METTL22: variants seen among roughly 807,000 people sequenced by gnomAD.
The protein encoded by METTL22 is methyltransferase 22, Kin17 lysine, also known as methyltransferase-like protein 22.
Under a neutral mutation model 48.4 loss-of-function variants are expected in METTL22, and 51 were observed. The observed-to-expected ratio is 1.05, with a 90% CI of 0.84 to 1.33. METTL22 has a LOEUF of 1.33. METTL22 is among the 40% of genes most tolerant of loss of function. METTL22 has a pLI of 0.00. For missense variants in METTL22, 678 were observed against 526.9 expected (o/e 1.29, Z -2.81); for synonymous variants, 255 against 214.1 (o/e 1.19, Z -1.67).
chr16:8,627,770 G>A lies in METTL22; in HGVS notation c.134-960G>A, dbSNP rs2056110608. 2.0e-5 allele frequency among the ~76,000 whole-genome samples: 3 copies of A among 152,242 alleles called. No individual in the cohort carries two copies. In the South Asian group the frequency reaches 6.2e-4, roughly 32 times the overall value. On this transcript the variant is annotated intron_variant, in intron 2 of 10. Transcript: ENST00000381920. ...GAAAATAGATACATTTTATGAGACA[G>A]GGTCTCATTCTGTCACCCAAGCTGG...
At chr16:8,661,981 C>T in the METTL22 span, among the ~76,000 whole-genome samples, 4 of 145,052 alleles carry the variant, frequency 2.8e-5, 1 homozygote, top group East Asian at 2.0e-4. Flanking sequence ...TGGTGGCTCA[C>T]GCCTATAATC....
intron 1 of METTL22, among the ~76,000 whole-genome samples, chr16:8,624,843 A>G (rs2055990079): frequency 6.6e-6 from 1 of 152,228 alleles, no homozygotes; most frequent in African/African-American, 2.4e-5. Flanking sequence ...TGGGCAACAG[A>G]GCAAGCCCCT....
chr16:8,636,996 A>G (rs928999829), intron 5 of METTL22, among the ~76,000 whole-genome samples: 3 of 152,268 alleles, frequency 2.0e-5, no homozygotes, highest in African/African-American at 7.2e-5. Context: ...AAAACCAGCC[A>G]GTGAAGTTAA....
At chr16:8,640,969 G>GCTGGCTGT (rs1555475055) in intron 6 of METTL22, among the ~76,000 whole-genome samples, 162 bp from the exon 7 acceptor site, 60 of 113,678 alleles carry the variant, frequency 5.3e-4, no homozygotes, top group South Asian at 5.0e-3. Flanking sequence ...TGGCTGGCTG[G>GCTGGCTGT]CTGGCTGGCT....
chr16:8,641,924 A>G, intron 7 of METTL22: 1 of 614,134 alleles, frequency 1.6e-6, no homozygotes, highest in Non-Finnish European at 2.9e-6. Context: ...ACTCAGCAGA[A>G]AAGGCACCTC....
At chr16:8,624,491 C>G (rs951360211) in intron 1 of METTL22, among the ~76,000 whole-genome samples, 2 of 151,932 alleles carry the variant, frequency 1.3e-5, no homozygotes, top group African/African-American at 4.8e-5. Flanking sequence ...GCGATCCTCC[C>G]ACCTCAGCCT....
downstream of METTL22, among the ~76,000 whole-genome samples, chr16:8,654,302 C>G (rs1412999944): frequency 6.6e-6 from 1 of 152,148 alleles, no homozygotes; most frequent in East Asian, 1.9e-4. Context: ...CTTCACCACT[C>G]CTGGTAATTT....
intron 5 of METTL22, 43 bp from the exon 6 acceptor site, chr16:8,639,048 T>A: frequency 6.3e-7 from 1 of 1,597,432 alleles, no homozygotes; most frequent in South Asian, 1.1e-5. Context: ...GATAAAAGTG[T>A]CGTAGTGGCT....
At chr16:8,630,983 C>G (rs1436705294) in intron 3 of METTL22, among the ~76,000 whole-genome samples, 3 of 152,236 alleles carry the variant, frequency 2.0e-5, no homozygotes, top group Admixed American at 1.3e-4. Flanking sequence ...AGACAAATGT[C>G]TTACCCACTC....
intron 2 of METTL22, among the ~76,000 whole-genome samples, chr16:8,628,305 G>A (rs897860489): frequency 1.1e-4 from 17 of 152,156 alleles, no homozygotes; most frequent in South Asian, 8.3e-4. Context: ...ATGGATGATC[G>A]GACAGATTCA....
chr16:8,639,163 G>T lies in METTL22; in HGVS notation c.772+1G>T. On this transcript the variant is annotated splice_donor_variant, in intron 6 of 10. Coordinates refer to ENST00000381920, the MANE Select transcript of METTL22 (RefSeq NM_024109.4). LOFTEE classifies it high-confidence loss of function. ...AACAGCCACCTGGCTGCCACTGGAG[G>T]TGAGGCCCAGGGGGTCTTCTGCCAG... 6.2e-7 allele frequency: 1 copy of T among 1,613,990 alleles called. No homozygotes were observed. The highest frequency in any genetic ancestry group is 8.5e-7 in the Non-Finnish European group (1 of 1,179,984).
chr16:8,651,262 C>G (rs961748965), downstream of METTL22, among the ~76,000 whole-genome samples: 2 of 150,884 alleles, frequency 1.3e-5, no homozygotes, highest in African/African-American at 4.9e-5. Flanking sequence ...TGGCGGGCAC[C>G]TGTAGTCCCA....
intron 6 of METTL22, among the ~76,000 whole-genome samples, chr16:8,640,652 G>A: frequency 1.5e-5 from 1 of 68,202 alleles, no homozygotes; most frequent in African/African-American, 6.0e-5. Context: ...ATGGGAGGGA[G>A]GGAGGGAAGG....
chr16:8,639,533 C>G (rs2056527898), intron 6 of METTL22: 1 of 258,026 alleles, frequency 3.9e-6, no homozygotes, highest in Non-Finnish European at 7.7e-6. Flanking sequence ...GAAAACCTCC[C>G]AGGGGCGTCA....
chr16:8,644,973 T>TC, intron 10 of METTL22: 2 of 364,214 alleles, frequency 5.5e-6, no homozygotes, highest in Non-Finnish European at 9.9e-6. Flanking sequence ...TAGCACATAT[T>TC]CCCCCCGTTG....
chr16:8,637,775 G>C (rs574877365), intron 5 of METTL22, among the ~76,000 whole-genome samples: 3 of 152,328 alleles, frequency 2.0e-5, no homozygotes, highest in African/African-American at 7.2e-5. Flanking sequence ...CACTCAGCCA[G>C]AGCTGCTCCT....
chr16:8,639,157 C>G lies in METTL22; in HGVS notation c.767C>G (p.Thr256Ser), dbSNP rs375477859. The change falls in exon 6 of 11, where the codon ACT (threonine) becomes AGT (serine). Residue 256 changes from threonine (T) to serine (S), a missense_variant. Physicochemically the swap from Thr to Ser is moderately conservative, Grantham distance 58. Coordinates refer to ENST00000381920, the MANE Select transcript of METTL22 (RefSeq NM_024109.4). ...GCCCTCAACAGCCACCTGGCTGCCA[C>G]TGGAGGTGAGGCCCAGGGGGTCTTC... ...NIALNSHLAA[T>S]GGGIVRVKEL... 16 of 1,613,904 alleles carry G rather than the reference C, an allele frequency of 9.9e-6. No homozygotes were observed. Among genetic ancestry groups the G allele is most frequent in the African/African-American group, 1.3e-5 (1 of 74,918 alleles).
chr16:8,628,858 C>A lies in METTL22; in HGVS notation c.262C>A (p.Pro88Thr). The A allele has an allele frequency of 6.2e-7, 1 of 1,613,786 alleles. No homozygotes were observed. Among genetic ancestry groups the A allele is most frequent in the Non-Finnish European group, 8.5e-7 (1 of 1,179,944 alleles). ...TGCTGAGACAGGCAGCACAGGGTCC[C>A]CTCCAGGAAGTGGCCATGGTAATGA... is the stretch of plus-strand genomic sequence containing the variant. ...PSAETGSTGS[P>T]PGSGHGNEGF... Residue 88 changes from proline (P) to threonine (T), a missense_variant, in exon 3 of 11, where the codon CCT becomes ACT. Coordinates refer to ENST00000381920, the MANE Select transcript of METTL22 (RefSeq NM_024109.4).
chr16:8,662,188 A>G, the METTL22 span, among the ~76,000 whole-genome samples: 2 of 145,112 alleles, frequency 1.4e-5, no homozygotes, highest in African/African-American at 5.2e-5. Flanking sequence ...GTTACAGTGA[A>G]CTGTGACTGC....
Sources: allele counts gnomAD v4.1 joint callset (sites outside exome capture counted in the v4.1 genomes callset), GRCh38; gene constraint gnomAD v4.1.1; transcripts MANE v1.5; gene names NCBI Gene and HGNC (gene_info 2026-07-23, HGNC 2026-07-21).